Variants in HIPK3 observed in about 807,000 individuals in gnomAD.
HIPK3 encodes the protein homeodomain interacting protein kinase 3.
A neutral mutation model predicts 124.2 loss-of-function variants in HIPK3; 47 were observed. The ratio of observed to expected loss-of-function variants is 0.38; its 90% CI spans 0.30 to 0.48. The LOEUF is 0.48. HIPK3 is among the 20% of genes least tolerant of loss of function. The pLI is 0.98. For synonymous variants in HIPK3, 482 were observed against 515.2 expected (o/e 0.94, Z 0.87); for missense variants, 1,286 against 1,454.3 (o/e 0.88, Z 1.88).
chr11:33,308,797 CTA>C, intron 2 of HIPK3, among the ~76,000 whole-genome samples: 1 of 135,710 alleles, frequency 7.4e-6, no homozygotes, highest in East Asian at 2.1e-4. Context: ...CATTTTAGTT[CTA>C]TATATATAAG....
At chr11:33,293,227 T>C (rs2133912424) in intron 2 of HIPK3, among the ~76,000 whole-genome samples, 1 of 152,318 alleles carries the variant, frequency 6.6e-6, no homozygotes, top group East Asian at 1.9e-4. Flanking sequence ...ATAATCTACA[T>C]ACCTTGAAAT....
At chr11:33,343,020 C>G (rs1359741569) in intron 8 of HIPK3, among the ~76,000 whole-genome samples, 1 of 152,038 alleles carries the variant, frequency 6.6e-6, no homozygotes, top group African/African-American at 2.4e-5. Flanking sequence ...CAGATGGGGC[C>G]CTAAACCAAC....
chr11:33,349,396 A>G (rs1853593245), intron 14 of HIPK3, 109 bp downstream of exon 14: 3 of 836,290 alleles, frequency 3.6e-6, no homozygotes, highest in African/African-American at 1.7e-5. Context: ...AGTGACTTCT[A>G]TCTTGAACAC....
chr11:33,267,607 CG>C (rs1156990638), intron 1 of HIPK3, among the ~76,000 whole-genome samples: 3 of 151,390 alleles, frequency 2.0e-5, no homozygotes, highest in African/African-American at 7.3e-5. Context: ...GCCCTTCTCC[CG>C]CCTTGGCCTC....
intron 8 of HIPK3, among the ~76,000 whole-genome samples, chr11:33,346,497 T>C (rs1481474377): frequency 6.6e-6 from 1 of 152,222 alleles, no homozygotes; most frequent in African/African-American, 2.4e-5. Context: ...AATTATGAAG[T>C]TGTGATGTAT....
At chr11:33,310,268 C>CTTATCTATCT (rs1338183894) in intron 2 of HIPK3, among the ~76,000 whole-genome samples, 15 of 116,026 alleles carry the variant, frequency 1.3e-4, no homozygotes, top group Non-Finnish European at 2.5e-4. Context: ...GTCTGTCTGT[C>CTTATCTATCT]TGTCTGTCTA....
At chr11:33,342,175 C>T (rs1035034351) in intron 8 of HIPK3, among the ~76,000 whole-genome samples, 1 of 150,000 alleles carries the variant, frequency 6.7e-6, no homozygotes, top group Admixed American at 6.6e-5. Flanking sequence ...CATTTCTTGA[C>T]TGGAACTCCG....
chr11:33,348,930 C>T, intron 13 of HIPK3, 112 bp downstream of exon 13: 1 of 1,076,488 alleles, frequency 9.3e-7, no homozygotes. Context: ...GGAGTAAAAC[C>T]TTTAAATTAG....
intron 8 of HIPK3, among the ~76,000 whole-genome samples, chr11:33,344,221 T>A (rs1011505366): frequency 6.6e-5 from 10 of 152,228 alleles, no homozygotes; most frequent in African/African-American, 2.2e-4. Context: ...CATGCAAGAT[T>A]GCTGTTTAAA....
At chr11:33,339,252 C>T in intron 5 of HIPK3, 98 bp from the exon 6 acceptor site, 5 of 826,152 alleles carry the variant, frequency 6.1e-6, no homozygotes, top group Non-Finnish European at 7.9e-6. Flanking sequence ...CCTCTCCTCT[C>T]CTGTGTTGTG....
chr11:33,343,788 A>G (rs1853414964), intron 8 of HIPK3, among the ~76,000 whole-genome samples: 1 of 152,138 alleles, frequency 6.6e-6, no homozygotes, highest in Non-Finnish European at 1.5e-5. Flanking sequence ...TTTTCAAGTA[A>G]TGTATCATTG....
rs1850728540 is a variant in HIPK3 at position 33,258,355 on chromosome 11, C to T, written c.-3+466C>T. The T allele has an allele frequency of 6.1e-6, 6 of 985,530 alleles. No individual in the cohort carries two copies. In the South Asian group the frequency reaches 2.8e-4, roughly 46 times the overall value. The allele number at this position is 985,530 out of a possible 1,614,324, so 61.0% of individuals were successfully genotyped here. The stretch of plus-strand genomic sequence containing the variant: ...TTTCATTAAGGGGAACAAACAAACG[C>T]GCAGGCACGCAGCTTGAGCACCCCA... On this transcript the variant is annotated intron_variant, in intron 1 of 16. Coordinates refer to ENST00000303296, the MANE Select transcript of HIPK3 (RefSeq NM_005734.5).
chr11:33,319,430 A>G (rs1040649214), intron 2 of HIPK3, among the ~76,000 whole-genome samples: 1 of 151,214 alleles, frequency 6.6e-6, no homozygotes, highest in Non-Finnish European at 1.5e-5. Context: ...CAGGAGGCGG[A>G]GGTTGCAGTG....
chr11:33,351,473 C>A, intron 14 of HIPK3, 135 bp from the exon 15 acceptor site: 1 of 633,698 alleles, frequency 1.6e-6, no homozygotes, highest in Non-Finnish European at 2.7e-6. Flanking sequence ...TGCTATTGGA[C>A]AAGGAAAAAG....
chr11:33,351,563 T>C, intron 14 of HIPK3, 45 bp from the exon 15 acceptor site: 1 of 1,356,186 alleles, frequency 7.4e-7, no homozygotes, highest in Non-Finnish European at 1.1e-6. Context: ...TTAGATTTAA[T>C]GTTGGAAAAA....
chr11:33,318,233 T>A (rs572536077), intron 2 of HIPK3, among the ~76,000 whole-genome samples: 1 of 152,096 alleles, frequency 6.6e-6, no homozygotes, highest in Non-Finnish European at 1.5e-5. Context: ...AAATTTTTTT[T>A]ATTTTTATTT....
chr11:33,313,584 G>T (rs10768003), intron 2 of HIPK3, among the ~76,000 whole-genome samples: 99,659 of 151,944 alleles, frequency 0.66, 32,903 homozygotes, highest in Non-Finnish European at 0.7. Context: ...TAGTTGAGGG[G>T]TATTATCAGA....
At chr11:33,269,949 C>T (rs1342741027) in intron 1 of HIPK3, among the ~76,000 whole-genome samples, 2 of 151,784 alleles carry the variant, frequency 1.3e-5, no homozygotes, top group African/African-American at 4.8e-5. Context: ...TTTCTATTGC[C>T]CTGTGTGTGT....
intron 2 of HIPK3, among the ~76,000 whole-genome samples, chr11:33,294,301 G>C (rs201184470): frequency 3.4e-3 from 1 of 296 alleles, no homozygotes; most frequent in Admixed American, 0.038. Flanking sequence ...GAAAAAAGTT[G>C]TAAAAAATAG....
Sources: allele counts gnomAD v4.1 joint callset (sites outside exome capture counted in the v4.1 genomes callset), GRCh38; gene constraint gnomAD v4.1.1; transcripts MANE v1.5; gene names NCBI Gene and HGNC (gene_info 2026-07-23, HGNC 2026-07-21).